The following ROR2 variants were observed in gnomAD, a reference collection of about 807,000 sequenced individuals.
The protein encoded by ROR2 is tyrosine-protein kinase transmembrane receptor ROR2.
A neutral mutation model predicts 74.9 loss-of-function variants in ROR2; 33 were observed. The observed-to-expected ratio is 0.44, with a 90% CI of 0.33 to 0.59. The LOEUF is 0.59. Among genes scored for constraint, ROR2 ranks in the 20% least tolerant of loss-of-function variants. The probability of loss-of-function intolerance (pLI) is 0.02; values close to 1 mark genes in which losing one functional copy is unlikely to be tolerated. For synonymous variants in ROR2, 586 were observed against 558.7 expected, an observed-to-expected ratio of 1.05 and a Z score of -0.69; for missense variants, 1,216 against 1,313.8, an observed-to-expected ratio of 0.93 and a Z score of 1.15.
intron 2 of ROR2, among the ~76,000 whole-genome samples, chr9:91,759,767 T>A (rs76800705): frequency 0.012 from 1,875 of 152,216 alleles, 62 homozygotes; most frequent in East Asian, 0.1. Flanking sequence ...GGCAGTGGCA[T>A]ATAAAGGCCT....
intron 1 of ROR2, among the ~76,000 whole-genome samples, chr9:91,943,128 C>T (rs1273615508): frequency 6.6e-6 from 1 of 152,172 alleles, no homozygotes; most frequent in East Asian, 1.9e-4. Flanking sequence ...CTGAGTACAT[C>T]TGCCATGCCC....
chr9:91,822,972 A>G (rs974361087), intron 1 of ROR2, among the ~76,000 whole-genome samples: 2 of 152,206 alleles, frequency 1.3e-5, no homozygotes, highest in Admixed American at 1.3e-4. Context: ...GGGAACAGTC[A>G]CACTAATTCA....
intron 1 of ROR2, among the ~76,000 whole-genome samples, chr9:91,893,340 C>A (rs1830468872): frequency 2.0e-5 from 3 of 151,882 alleles, no homozygotes; most frequent in Non-Finnish European, 2.9e-5. Context: ...CTCAGGGGGC[C>A]GAGGCAGGAG....
In ROR2 at chr9:91,733,447, C is replaced by T. The variant is rs1350375399; in HGVS notation, c.623-11G>A. The T allele has an allele frequency of 1.2e-6, 2 of 1,607,626 alleles. No homozygotes were observed. Among genetic ancestry groups the T allele is most frequent in the Non-Finnish European group, 1.7e-6 (2 of 1,178,626 alleles). ...TCATGGTGAAGGCCGCTGCAGAGCCCGCGAGACTCGCGTTAGCGGGGGACC... is the reference window on the plus strand; with the variant it reads ...TCATGGTGAAGGCCGCTGCAGAGCCTGCGAGACTCGCGTTAGCGGGGGACC... On this transcript the variant is annotated splice_polypyrimidine_tract_variant and intron_variant, in intron 5 of 8. Coordinates refer to ENST00000375708, the MANE Select transcript of ROR2 (RefSeq NM_004560.4). This position sits in a 1 kb window ranked among gnomAD's most constrained non-coding sequence, Gnocchi z 5.7.
intron 1 of ROR2, among the ~76,000 whole-genome samples, chr9:91,839,273 T>TACAG (rs1408199048): frequency 1.2e-4 from 16 of 130,770 alleles, no homozygotes; most frequent in African/African-American, 4.2e-4. Flanking sequence ...TGTGTGTGTG[T>TACAG]GTGTGTGTGT....
In ROR2 at chr9:91,757,433, G is replaced by A. The variant is rs370882834; in HGVS notation, c.302C>T (p.Pro101Leu). Residue 101 changes from proline to leucine, a missense_variant, in exon 3 of 9, where the codon CCG (proline) becomes CTG (leucine). Transcript: ENST00000375708. The part of the protein sequence containing the change: ...PNVRWLKNDA[P>L]VVQEPRRIII... ...GATCCGCCGCGGCTCCTGCACCACC[G>A]GGGCATCATTCTTTAGCCACCGCAC... The A allele has an allele frequency of 7.4e-6, 12 of 1,613,636 alleles. No homozygotes were observed. Among genetic ancestry groups the A allele is most frequent in the South Asian group, 2.2e-5 (2 of 91,034 alleles).
chr9:91,918,563 A>G (rs953703911), intron 1 of ROR2, among the ~76,000 whole-genome samples: 3 of 152,216 alleles, frequency 2.0e-5, no homozygotes, highest in African/African-American at 7.2e-5. Context: ...GGGCTTAAAG[A>G]GAGGCAGTCT....
chr9:91,729,653 C>T (rs543057586), intron 7 of ROR2, among the ~76,000 whole-genome samples: 2 of 152,294 alleles, frequency 1.3e-5, no homozygotes, highest in Admixed American at 1.3e-4. Context: ...CCCACTCATT[C>T]ACCAATTGCT....
chr9:91,726,883 G>A, intron 7 of ROR2, 140 bp from the exon 8 acceptor site: 1 of 794,492 alleles, frequency 1.3e-6, no homozygotes, highest in Non-Finnish European at 2.1e-6. Flanking sequence ...TGGGGTAAAA[G>A]GGCACACCAC....
intron 1 of ROR2, among the ~76,000 whole-genome samples, chr9:91,901,825 GAA>G (rs368777109): frequency 7.4e-6 from 1 of 135,588 alleles, no homozygotes. Flanking sequence ...AGAGTGCTCT[GAA>G]AAAAAAAAAA....
intron 1 of ROR2, among the ~76,000 whole-genome samples, chr9:91,798,297 C>T (rs1185314423): frequency 2.9e-5 from 4 of 136,408 alleles, no homozygotes; most frequent in Non-Finnish European, 6.2e-5. Context: ...TGGGGAATGA[C>T]ACCCTGGGAT....
intron 1 of ROR2, among the ~76,000 whole-genome samples, chr9:91,881,986 G>T (rs574153115): frequency 6.6e-6 from 1 of 152,180 alleles, no homozygotes; most frequent in African/African-American, 2.4e-5. Flanking sequence ...TGGAGTGTAG[G>T]GTTCCACACA....
At chr9:91,771,271 G>A (rs189947671) in intron 2 of ROR2, among the ~76,000 whole-genome samples, 2 of 152,170 alleles carry the variant, frequency 1.3e-5, no homozygotes, top group African/African-American at 4.8e-5. Context: ...GCCAGCAGAC[G>A]GGCGAGCCCA....
intron 1 of ROR2, chr9:91,948,731 G>A: frequency 1.0e-6 from 1 of 985,490 alleles, no homozygotes; most frequent in Non-Finnish European, 1.2e-6. Flanking sequence ...AGGAGTGCAG[G>A]GATGGGGGAT....
intron 1 of ROR2, among the ~76,000 whole-genome samples, chr9:91,880,538 A>G (rs1284713874): frequency 6.6e-6 from 1 of 152,234 alleles, no homozygotes; most frequent in East Asian, 1.9e-4. Flanking sequence ...ACGGTTTCCA[A>G]GAACCTCCCC....
intron 1 of ROR2, among the ~76,000 whole-genome samples, chr9:91,885,314 GGGGCGGTA>G (rs1830240273): frequency 6.6e-6 from 1 of 152,168 alleles, no homozygotes; most frequent in African/African-American, 2.4e-5. Flanking sequence ...TGGGGGTTGG[GGGGCGGTA>G]GGGCAGGGTG....
chr9:91,748,725 T>C (rs1467020137), intron 4 of ROR2, among the ~76,000 whole-genome samples: 1 of 152,176 alleles, frequency 6.6e-6, no homozygotes, highest in African/African-American at 2.4e-5. Flanking sequence ...GAGAAAATTA[T>C]AAAACTATAT....
intron 1 of ROR2, among the ~76,000 whole-genome samples, chr9:91,933,533 T>C (rs1243321654): frequency 6.6e-6 from 1 of 152,190 alleles, no homozygotes; most frequent in African/African-American, 2.4e-5. Flanking sequence ...AATGTATACA[T>C]AAATGACAGA....
intron 2 of ROR2, among the ~76,000 whole-genome samples, chr9:91,761,623 T>G (rs933090185): frequency 1.3e-5 from 2 of 152,098 alleles, no homozygotes; most frequent in South Asian, 4.2e-4. Context: ...AAGCTTCACT[T>G]TCTCACCTAC....
Sources: allele counts gnomAD v4.1 joint callset (sites outside exome capture counted in the v4.1 genomes callset), GRCh38; gene constraint gnomAD v4.1.1; non-coding constraint Gnocchi (gnomAD v3.1); transcripts MANE v1.5; gene names NCBI Gene and HGNC (gene_info 2026-07-23, HGNC 2026-07-21).